SPOCK1: variants seen among roughly 807,000 people sequenced by gnomAD.
SPOCK1 encodes SPARC (osteonectin), cwcv and kazal like domains proteoglycan 1.
SPOCK1 carries 23 observed loss-of-function variants against 55.3 expected under a neutral mutation model. The ratio of observed to expected loss-of-function variants is 0.42; its 90% CI spans 0.30 to 0.59. The LOEUF (loss-of-function observed/expected upper bound fraction) is 0.59. SPOCK1 is among the 20% of genes least tolerant of loss of function. The pLI is 0.22. For synonymous variants in SPOCK1, 226 were observed against 221.0 expected (o/e 1.02, Z -0.20); for missense variants, 499 against 552.5 (o/e 0.90, Z 0.97).
At chr5:137,376,323 G>A (rs1036672838) in intron 2 of SPOCK1, among the ~76,000 whole-genome samples, 5 of 152,148 alleles carry the variant, frequency 3.3e-5, no homozygotes, top group Admixed American at 6.5e-5. Flanking sequence ...CGGCTGCCCC[G>A]CCCTCTTGTG....
intron 3 of SPOCK1, among the ~76,000 whole-genome samples, chr5:137,169,043 G>A (rs1348056590): frequency 6.6e-6 from 1 of 152,290 alleles, no homozygotes; most frequent in African/African-American, 2.4e-5. Flanking sequence ...CTTGTCATTT[G>A]CAACAACAAG....
At position 137,073,891 on chromosome 5, in the gene SPOCK1, C is replaced by T. The variant is rs1447727294; in HGVS notation, c.475-6062G>A. The stretch of plus-strand genomic sequence containing the variant: ...TTATTATTACACAAAGAAGAAAATG[C>T]ACACTTTCAATAAAACAAACGGCAG... On this transcript the variant is annotated intron_variant, in intron 5 of 10. Coordinates refer to ENST00000394945, the MANE Select transcript of SPOCK1 (RefSeq NM_004598.4). Among the ~76,000 whole-genome samples, 3 of 152,122 alleles carry T rather than the reference C, an allele frequency of 2.0e-5. No homozygotes were observed. The East Asian group carries it at 5.8e-4, about 29-fold the overall frequency.
At chr5:137,350,828 T>C (rs894698115) in intron 2 of SPOCK1, among the ~76,000 whole-genome samples, 3 of 151,920 alleles carry the variant, frequency 2.0e-5, no homozygotes, top group African/African-American at 7.3e-5. Context: ...TCCACGCACG[T>C]GTGCGTGTGT....
intron 2 of SPOCK1, among the ~76,000 whole-genome samples, chr5:137,381,784 C>A (rs893189968): frequency 6.6e-6 from 1 of 152,212 alleles, no homozygotes; most frequent in African/African-American, 2.4e-5. Context: ...GGAGAGGCTG[C>A]CACAAAGGTA....
At chr5:137,357,506 G>T (rs1011578717) in intron 2 of SPOCK1, among the ~76,000 whole-genome samples, 1 of 152,168 alleles carries the variant, frequency 6.6e-6, no homozygotes, top group Non-Finnish European at 1.5e-5. Context: ...GATCAGCTCT[G>T]CTTGTGGAAG....
intron 2 of SPOCK1, among the ~76,000 whole-genome samples, chr5:137,378,480 C>T (rs532718023): frequency 3.3e-5 from 5 of 152,310 alleles, no homozygotes; most frequent in South Asian, 4.1e-4. Context: ...AGCTAAATGG[C>T]GGTAACTTGT....
intron 2 of SPOCK1, among the ~76,000 whole-genome samples, chr5:137,386,411 T>C (rs1561521915): frequency 6.9e-6 from 1 of 144,574 alleles, no homozygotes; most frequent in Non-Finnish European, 1.5e-5. Context: ...GAATAGATAA[T>C]GCAATATTGA....
chr5:137,053,791 G>C (rs181834267), intron 6 of SPOCK1, among the ~76,000 whole-genome samples: 44 of 152,264 alleles, frequency 2.9e-4, no homozygotes, highest in African/African-American at 1.0e-3. Flanking sequence ...AAAAGCAAAA[G>C]CTTTCTTAGA....
Position 137,149,821 on chromosome 5 carries a change from G to C in SPOCK1, c.233-9127C>G, listed in dbSNP as rs554960797. Among the ~76,000 whole-genome samples the C allele has an allele frequency of 3.3e-5, 5 of 152,346 alleles. No homozygotes were observed. In the South Asian group the frequency reaches 1.0e-3, roughly 32 times the overall value. On this transcript the variant is annotated intron_variant, in intron 3 of 10. Transcript: ENST00000394945. ...AAGAACCCAAAGCATTTGGCTCGGA[G>C]AGATGTAAGTTTGAGAGGAGAGAGG...
intron 2 of SPOCK1, among the ~76,000 whole-genome samples, chr5:137,398,898 G>A (rs1333382166): frequency 2.0e-5 from 3 of 152,076 alleles, no homozygotes; most frequent in African/African-American, 7.2e-5. Flanking sequence ...AACCCAATAG[G>A]TATACAGCAT....
At chr5:137,142,207 T>C (rs759420382) in intron 3 of SPOCK1, among the ~76,000 whole-genome samples, 2 of 152,034 alleles carry the variant, frequency 1.3e-5, no homozygotes, top group Non-Finnish European at 2.9e-5. Context: ...AATGACATGG[T>C]CAAAAAACCA....
intron 6 of SPOCK1, among the ~76,000 whole-genome samples, chr5:137,024,344 A>G (rs1751632090): frequency 6.7e-6 from 1 of 149,422 alleles, no homozygotes; most frequent in Non-Finnish European, 1.5e-5. Flanking sequence ...CTGACTGCTC[A>G]TGTTTTGTTA....
At chr5:137,406,291 C>T (rs536548371) in intron 2 of SPOCK1, among the ~76,000 whole-genome samples, 11 of 152,258 alleles carry the variant, frequency 7.2e-5, no homozygotes, top group South Asian at 4.2e-4. Flanking sequence ...CCAAAGTCAT[C>T]GGAAGGAAGA....
chr5:137,266,909 G>T (rs186183832), intron 3 of SPOCK1, 101 bp downstream of exon 3: 9 of 993,632 alleles, frequency 9.1e-6, no homozygotes, highest in Non-Finnish European at 1.4e-5. Flanking sequence ...AAATAACACC[G>T]CTAGCTGGCC....
At chr5:137,101,839 T>TA (rs1307994900) in intron 5 of SPOCK1, among the ~76,000 whole-genome samples, 5 of 152,180 alleles carry the variant, frequency 3.3e-5, no homozygotes, top group Non-Finnish European at 7.3e-5. Flanking sequence ...AAGAAAGTAT[T>TA]AAAGCATTAA....
intron 3 of SPOCK1, among the ~76,000 whole-genome samples, chr5:137,207,829 A>G (rs1263766064): frequency 6.6e-6 from 1 of 152,106 alleles, no homozygotes; most frequent in Non-Finnish European, 1.5e-5. Flanking sequence ...GTGATTTACT[A>G]TTGCCATTGG....
intron 2 of SPOCK1, among the ~76,000 whole-genome samples, chr5:137,410,334 T>A (rs1752182959): frequency 6.6e-6 from 1 of 152,200 alleles, no homozygotes. Context: ...TTGTTCCTGA[T>A]GATAATTAAT....
At chr5:137,287,458 C>T (rs898644334) in intron 2 of SPOCK1, among the ~76,000 whole-genome samples, 1 of 152,184 alleles carries the variant, frequency 6.6e-6, no homozygotes, top group Non-Finnish European at 1.5e-5. Context: ...TTCTGTTCTC[C>T]CCCATCCTAC....
intron 3 of SPOCK1, among the ~76,000 whole-genome samples, chr5:137,261,563 C>A (rs747143931): frequency 6.6e-6 from 1 of 152,196 alleles, no homozygotes; most frequent in Non-Finnish European, 1.5e-5. Context: ...AAAGGGGCCC[C>A]TGACTCTTTG....
Sources: gnomAD v4.1 joint callset for allele counts (sites outside exome capture counted in the v4.1 genomes callset) on GRCh38, gnomAD v4.1.1 for gene constraint, MANE v1.5 for transcripts, NCBI Gene and HGNC (gene_info 2026-07-23, HGNC 2026-07-21) for gene names.